Variants in VWA8 observed in about 807,000 individuals in gnomAD.
The protein encoded by VWA8 is von Willebrand factor A domain-containing protein 8.
A neutral mutation model predicts 241.5 loss-of-function variants in VWA8; 221 were observed. That is an observed-to-expected ratio of 0.91 (90% CI 0.82 to 1.02). VWA8 has a LOEUF of 1.02. Ranked by LOEUF, VWA8 falls within the 50% of genes least tolerant of loss-of-function variation. The pLI is 0.00. For synonymous variants in VWA8, 852 were observed against 827.1 expected (o/e 1.03, Z -0.52); for missense variants, 2,322 against 2,328.7 (o/e 1.00, Z 0.06).
intron 37 of VWA8, among the ~76,000 whole-genome samples, chr13:41,619,200 G>A (rs1018213634): frequency 6.6e-6 from 1 of 152,160 alleles, no homozygotes; most frequent in African/African-American, 2.4e-5. Flanking sequence ...TTGTAAGCTG[G>A]ATTCCCAGGT....
At chr13:41,908,601 A>G (rs1021111215) in intron 3 of VWA8, among the ~76,000 whole-genome samples, 17 of 152,228 alleles carry the variant, frequency 1.1e-4, no homozygotes, top group Middle Eastern at 3.4e-3. Context: ...GAGGAGGAAA[A>G]GGAAGGAGGA....
intron 43 of VWA8, among the ~76,000 whole-genome samples, chr13:41,575,436 C>CTT (rs1290458293): frequency 7.9e-5 from 12 of 152,250 alleles, no homozygotes; most frequent in African/African-American, 2.6e-4. Flanking sequence ...AGGGGTCATT[C>CTT]TTTTCCTTCT....
intron 42 of VWA8, among the ~76,000 whole-genome samples, chr13:41,581,696 CT>C (rs10710306): frequency 0.32 from 47,265 of 148,900 alleles, 9,862 homozygotes; most frequent in African/African-American, 0.6. Context: ...GTTTAAGTTT[CT>C]TTTTTTTTTT....
intron 21 of VWA8, among the ~76,000 whole-genome samples, chr13:41,755,233 A>G (rs1361425181): frequency 6.6e-6 from 1 of 152,042 alleles, no homozygotes; most frequent in Admixed American, 6.6e-5. Context: ...CACTAACAGC[A>G]TACAAGGGTT....
intron 39 of VWA8, among the ~76,000 whole-genome samples, chr13:41,611,230 A>C (rs1250163674): frequency 6.6e-6 from 1 of 152,138 alleles, no homozygotes; most frequent in African/African-American, 2.4e-5. Flanking sequence ...GCATGTGTGT[A>C]TGTATGTTCC....
Position 41,816,679 on chromosome 13 carries a change from G to A in VWA8, c.1947+19C>T. 6.2e-7 allele frequency: 1 copy of A among 1,600,190 alleles called. No homozygotes were observed. Among genetic ancestry groups the A allele is most frequent in the East Asian group, 2.2e-5 (1 of 44,730 alleles). Reference sequence around the variant, plus strand: ...GCATGTCAACAATAGAAAATCCTGTGGAAAAAGCCTAGACTTACCGTTGGA... The same window carrying A: ...GCATGTCAACAATAGAAAATCCTGTAGAAAAAGCCTAGACTTACCGTTGGA... On this transcript the variant is annotated intron_variant, in intron 16 of 44. Transcript: ENST00000379310.
intron 12 of VWA8, among the ~76,000 whole-genome samples, chr13:41,862,157 C>T (rs1399831627): frequency 6.6e-6 from 1 of 152,110 alleles, no homozygotes; most frequent in African/African-American, 2.4e-5. Flanking sequence ...CCTACAACCA[C>T]CAGATCTTTG....
At position 41,575,735 on chromosome 13, in the gene VWA8, T is replaced by G. The variant is rs1278708433; in HGVS notation, c.5370+5A>C. 9 of 1,595,732 alleles carry G rather than the reference T, an allele frequency of 5.6e-6. No individual in the cohort carries two copies. Among genetic ancestry groups the G allele is most frequent in the Non-Finnish European group, 7.7e-6 (9 of 1,164,890 alleles). Reference sequence around the variant, plus strand: ...CATAATACAGAGGTAATAAAATATATTTACCTTCAGAATTTCTAGTCTTTG... The same window carrying G: ...CATAATACAGAGGTAATAAAATATAGTTACCTTCAGAATTTCTAGTCTTTG... On this transcript the variant is annotated splice_donor_5th_base_variant and intron_variant, in intron 43 of 44. Coordinates refer to ENST00000379310, the MANE Select transcript of VWA8 (RefSeq NM_015058.2).
At chr13:41,892,804 T>C (rs1052691181) in intron 4 of VWA8, among the ~76,000 whole-genome samples, 10 of 152,212 alleles carry the variant, frequency 6.6e-5, no homozygotes, top group Non-Finnish European at 1.3e-4. Flanking sequence ...TTGATGTTTC[T>C]TGAACTCATC....
intron 2 of VWA8, among the ~76,000 whole-genome samples, chr13:41,924,827 A>C (rs530912585): frequency 6.6e-6 from 1 of 151,920 alleles, no homozygotes; most frequent in Admixed American, 6.6e-5. Flanking sequence ...TCAGTTACAT[A>C]TGTATACATG....
chr13:41,806,903 T>G (rs920694501), intron 17 of VWA8, among the ~76,000 whole-genome samples: 2 of 147,500 alleles, frequency 1.4e-5, no homozygotes, highest in Non-Finnish European at 3.0e-5. Context: ...AAAAGATTAA[T>G]GAAATGAAAA....
chr13:41,816,437 G>C (rs1331188000), intron 16 of VWA8, among the ~76,000 whole-genome samples: 16 of 152,080 alleles, frequency 1.1e-4, no homozygotes, highest in Non-Finnish European at 2.4e-4. Context: ...GAGACAGAGG[G>C]GACAGAGCAG....
chr13:41,650,160 TTTA>T (rs2044860328), intron 37 of VWA8, among the ~76,000 whole-genome samples: 2 of 150,592 alleles, frequency 1.3e-5, no homozygotes, highest in South Asian at 4.1e-4. Flanking sequence ...ATTGTACAGA[TTTA>T]TTATCATAAA....
chr13:41,730,330 T>C (rs1306462499), intron 22 of VWA8, among the ~76,000 whole-genome samples: 4 of 152,056 alleles, frequency 2.6e-5, no homozygotes, highest in East Asian at 3.9e-4. Flanking sequence ...GACCAAGAAA[T>C]AGGTACTGCC....
At chr13:41,570,970 C>T (rs980229354) in intron 43 of VWA8, among the ~76,000 whole-genome samples, 1 of 152,112 alleles carries the variant, frequency 6.6e-6, no homozygotes, top group African/African-American at 2.4e-5. Context: ...TGGAAGCTTG[C>T]ACTTCCACTT....
intron 37 of VWA8, among the ~76,000 whole-genome samples, chr13:41,615,383 CA>C (rs970234367): frequency 2.0e-5 from 3 of 152,154 alleles, no homozygotes; most frequent in Non-Finnish European, 4.4e-5. Flanking sequence ...TTACACATGG[CA>C]TGAGACTTAC....
chr13:41,863,642 A>G (rs1270531121), intron 12 of VWA8, among the ~76,000 whole-genome samples: 1 of 151,858 alleles, frequency 6.6e-6, no homozygotes, highest in Non-Finnish European at 1.5e-5. Context: ...CCATGCAGCC[A>G]TAAAAAGGAA....
chr13:41,913,260 A>G (rs1344680227), intron 2 of VWA8, among the ~76,000 whole-genome samples: 1 of 152,218 alleles, frequency 6.6e-6, no homozygotes, highest in East Asian at 1.9e-4. Context: ...AGGGAATTGT[A>G]AGTTGATGAT....
intron 14 of VWA8, among the ~76,000 whole-genome samples, chr13:41,819,861 A>C (rs1870874148): frequency 6.6e-6 from 1 of 152,238 alleles, no homozygotes; most frequent in Admixed American, 6.5e-5. Context: ...TGTAAGAAAC[A>C]TAAAGGGTTA....
Sources: allele counts gnomAD v4.1 joint callset (sites outside exome capture counted in the v4.1 genomes callset), GRCh38; gene constraint gnomAD v4.1.1; transcripts MANE v1.5; gene names NCBI Gene and HGNC (gene_info 2026-07-23, HGNC 2026-07-21).